GLT1D1: variants seen among roughly 807,000 people sequenced by gnomAD.
The protein encoded by GLT1D1 is glycosyltransferase 1 domain containing 1, also known as glycosyltransferase 1 domain-containing protein 1.
GLT1D1 carries 21 observed loss-of-function variants against 28.7 expected under a neutral mutation model. The ratio of observed to expected loss-of-function variants is 0.73; its 90% CI spans 0.52 to 1.05. The LOEUF is 1.05. GLT1D1 is among the 50% of genes least tolerant of loss of function. The probability of loss-of-function intolerance (pLI) is 0.00; values close to 1 mark genes in which losing one functional copy is unlikely to be tolerated. For synonymous variants in GLT1D1, 147 were observed against 124.8 expected, an observed-to-expected ratio of 1.18 and a Z score of -1.19; for missense variants, 343 against 330.6, an observed-to-expected ratio of 1.04 and a Z score of -0.29.
chr12:128,886,787 G>A (rs1165650737), intron 2 of GLT1D1, among the ~76,000 whole-genome samples: 1 of 151,916 alleles, frequency 6.6e-6, no homozygotes, highest in Non-Finnish European at 1.5e-5. Flanking sequence ...GGACATCTCT[G>A]GGAGCAATTA....
rs529710169 is a variant in GLT1D1, at chr12:128,904,023, C to T, written c.375+4736C>T. On this transcript the variant is annotated intron_variant, in intron 4 of 7. Coordinates refer to ENST00000281703, the MANE Select transcript of GLT1D1 (RefSeq NM_144669.3). ...GGATACAGGCATGAGCCACTGTGCC[C>T]GGCCAGAACTTTTAATTAAAGAAAT... Among the ~76,000 whole-genome samples, 48 of 151,752 alleles carry T rather than the reference C, an allele frequency of 3.2e-4. 2 individuals are homozygous for T. The highest frequency in any genetic ancestry group is 9.5e-4 in the African/African-American group (39 of 41,196).
chr12:128,972,824 G>A (rs1186761550), intron 7 of GLT1D1, among the ~76,000 whole-genome samples: 2 of 152,176 alleles, frequency 1.3e-5, no homozygotes, highest in African/African-American at 4.8e-5. Flanking sequence ...TACATGTATG[G>A]TGTATCACTT....
At chr12:128,960,135 G>A (rs552052059) in intron 7 of GLT1D1, among the ~76,000 whole-genome samples, 35 of 152,260 alleles carry the variant, frequency 2.3e-4, no homozygotes, top group African/African-American at 7.9e-4. Context: ...ACGGAGTCTC[G>A]TTGCAGACTT....
chr12:128,977,856 C>T (rs1392467066), intron 7 of GLT1D1, among the ~76,000 whole-genome samples: 1 of 150,398 alleles, frequency 6.6e-6, no homozygotes, highest in Non-Finnish European at 1.5e-5. Flanking sequence ...TATCTCAGCT[C>T]ACTGCAACCT....
At chr12:128,958,521 A>T (rs1243674707) in intron 7 of GLT1D1, among the ~76,000 whole-genome samples, 1 of 143,972 alleles carries the variant, frequency 6.9e-6, no homozygotes, top group Non-Finnish European at 1.5e-5. Flanking sequence ...TGGTAGGATC[A>T]TTTGAGGTCA....
chr12:128,926,886 G>A (rs1873279253), intron 4 of GLT1D1, among the ~76,000 whole-genome samples: 2 of 151,750 alleles, frequency 1.3e-5, no homozygotes, highest in Admixed American at 6.6e-5. Context: ...TTAGAAATCT[G>A]GACAATGGAT....
intron 2 of GLT1D1, among the ~76,000 whole-genome samples, chr12:128,877,424 A>C (rs1956892861): frequency 6.6e-6 from 1 of 152,172 alleles, no homozygotes; most frequent in Admixed American, 6.5e-5. Flanking sequence ...ATTTTTCCAC[A>C]CTGTATCAAA....
Position 128,908,323 on chromosome 12 carries a change from C to CTTCTTTCT in GLT1D1, c.375+9052_375+9059dup, listed in dbSNP as rs200053987. On this transcript the variant is annotated intron_variant, in intron 4 of 7. Transcript: ENST00000281703. ...CACCCACGTATTTTCTTTTACTTTC[C>CTTCTTTCT]TTCTTTCTTTCTTTCTTTCTTTCCC... Among the ~76,000 whole-genome samples, 1,360 of 147,540 alleles carry CTTCTTTCT rather than the reference C, an allele frequency of 9.2e-3. 15 individuals carry two copies. The highest frequency in any genetic ancestry group is 0.028 in the Middle Eastern group (8 of 288).
chr12:128,958,056 T>C (rs1465353749), intron 7 of GLT1D1, among the ~76,000 whole-genome samples: 3 of 152,210 alleles, frequency 2.0e-5, no homozygotes, highest in South Asian at 2.1e-4. Context: ...CTTGTGTAAA[T>C]ACAGAAACAC....
intron 1 of GLT1D1, among the ~76,000 whole-genome samples, chr12:128,864,684 G>A (rs549640551): frequency 6.6e-6 from 1 of 152,330 alleles, no homozygotes; most frequent in East Asian, 1.9e-4. Context: ...AACCTTCTAA[G>A]GGGCTCGGGC....
intron 7 of GLT1D1, among the ~76,000 whole-genome samples, chr12:128,971,634 C>T (rs1238724281): frequency 3.0e-4 from 2 of 6,714 alleles, no homozygotes; most frequent in Admixed American, 1.2e-3. Flanking sequence ...CCTCCCTTCC[C>T]CCCTCCCTCC....
chr12:128,870,967 G>A (rs1460411815), intron 1 of GLT1D1, among the ~76,000 whole-genome samples: 3 of 152,128 alleles, frequency 2.0e-5, no homozygotes, highest in Non-Finnish European at 4.4e-5. Context: ...CTCCAGCCTG[G>A]CCCACAGAGC....
intron 2 of GLT1D1, among the ~76,000 whole-genome samples, chr12:128,887,489 G>A (rs1183540839): frequency 1.0e-5 from 1 of 100,204 alleles, no homozygotes. Flanking sequence ...GTCTTTCTAT[G>A]TGAGTACACA....
chr12:128,943,451 A>G (rs1258469371), intron 4 of GLT1D1, among the ~76,000 whole-genome samples: 2 of 152,068 alleles, frequency 1.3e-5, no homozygotes, highest in Non-Finnish European at 2.9e-5. Flanking sequence ...AGTAGATCCT[A>G]AAACACATTT....
At chr12:128,970,861 G>A (rs546860923) in intron 7 of GLT1D1, among the ~76,000 whole-genome samples, 1 of 152,186 alleles carries the variant, frequency 6.6e-6, no homozygotes, top group Non-Finnish European at 1.5e-5. Context: ...GAAGCTTCCC[G>A]AGGGCAGCAG....
chr12:128,869,211 G>C (rs1187412701), intron 1 of GLT1D1, among the ~76,000 whole-genome samples: 2 of 152,144 alleles, frequency 1.3e-5, no homozygotes, highest in African/African-American at 4.8e-5. Flanking sequence ...CGGTCGTCCA[G>C]GCTGGAGTGC....
chr12:128,885,318 G>T (rs1242625839), intron 2 of GLT1D1, among the ~76,000 whole-genome samples: 1 of 152,104 alleles, frequency 6.6e-6, no homozygotes, highest in Non-Finnish European at 1.5e-5. Context: ...TGCCTTCCAG[G>T]TTCAAGCGAT....
chr12:128,953,030 C>T (rs1876889322), intron 6 of GLT1D1, among the ~76,000 whole-genome samples: 1 of 152,070 alleles, frequency 6.6e-6, no homozygotes, highest in Admixed American at 6.6e-5. Context: ...GATCCTCCCA[C>T]CTCAGCCTCA....
chr12:128,920,368 A>G (rs891668285), intron 4 of GLT1D1, among the ~76,000 whole-genome samples: 3 of 152,202 alleles, frequency 2.0e-5, no homozygotes, highest in Admixed American at 6.5e-5. Context: ...AGCTTGACCA[A>G]CATGGTGAAG....
Sources: allele counts gnomAD v4.1 joint callset (sites outside exome capture counted in the v4.1 genomes callset), GRCh38; gene constraint gnomAD v4.1.1; transcripts MANE v1.5; gene names NCBI Gene and HGNC (gene_info 2026-07-23, HGNC 2026-07-21).